COL5A2: variants seen among roughly 807,000 people sequenced by gnomAD.
The protein encoded by COL5A2 is collagen alpha-2(V) chain.
A neutral mutation model predicts 208.2 loss-of-function variants in COL5A2; 23 were observed. The ratio of observed to expected loss-of-function variants is 0.11; its 90% CI spans 0.08 to 0.16. COL5A2 has a LOEUF of 0.16. Among genes scored for constraint, COL5A2 ranks in the 10% least tolerant of loss-of-function variants. The pLI, the probability that COL5A2 is intolerant of heterozygous loss-of-function variation, is 1.00. For synonymous variants in COL5A2, 625 were observed against 628.5 expected, an observed-to-expected ratio of 0.99 and a Z score of 0.08; for missense variants, 1,590 against 1,956.4, an observed-to-expected ratio of 0.81 and a Z score of 3.53.
chr2:189,100,081 G>A, intron 4 of COL5A2, 26 bp downstream of exon 4: 1 of 1,575,246 alleles, frequency 6.3e-7, no homozygotes, highest in Non-Finnish European at 8.7e-7. Context: ...AAGGTACAAG[G>A]AAACAATGAT....
At position 189,101,094 on chromosome 2, in the gene COL5A2, A is replaced by G. The variant is rs548010702; in HGVS notation, c.337-955T>C. Reference sequence around the variant, plus strand: ...CATGCTCAGCATAGCAAATGGAAGCATTCAATGAATTTTTAAAATGTATTA... The same window carrying G: ...CATGCTCAGCATAGCAAATGGAAGCGTTCAATGAATTTTTAAAATGTATTA... On this transcript the variant is annotated intron_variant, in intron 3 of 53. Transcript: ENST00000374866. Among the ~76,000 whole-genome samples, 7 of 152,214 alleles carry G rather than the reference A, an allele frequency of 4.6e-5. No individual in the cohort carries two copies. The East Asian group carries it at 1.3e-3, about 29-fold the overall frequency.
At chr2:189,130,668 A>T (rs534312520) in intron 1 of COL5A2, among the ~76,000 whole-genome samples, 1 of 151,986 alleles carries the variant, frequency 6.6e-6, no homozygotes, top group African/African-American at 2.4e-5. Flanking sequence ...GATTTCAAAC[A>T]GATCTAGCTA....
At chr2:189,303,893 G>T in the COL5A2 span, among the ~76,000 whole-genome samples, 1 of 152,120 alleles carries the variant, frequency 6.6e-6, no homozygotes, top group African/African-American at 2.4e-5. Flanking sequence ...TCTGGGGGCT[G>T]CCCGAGTCAT....
chr2:189,038,730 C>T (rs1285270292), intron 51 of COL5A2, among the ~76,000 whole-genome samples: 1 of 152,138 alleles, frequency 6.6e-6, no homozygotes, highest in Non-Finnish European at 1.5e-5. Flanking sequence ...CACAGTCTCG[C>T]TCTGTCGCCC....
chr2:189,099,554 G>C (rs926815274), intron 4 of COL5A2, among the ~76,000 whole-genome samples: 1 of 152,160 alleles, frequency 6.6e-6, no homozygotes, highest in African/African-American at 2.4e-5. Context: ...GAATCTGGGA[G>C]GTGGAGGTTG....
In COL5A2 at chr2:189,097,314, T is replaced by G. The variant is rs1476823331; in HGVS notation, c.419A>C (p.Gln140Pro). The change falls in exon 6 of 54, where the codon CAG becomes CCG. Residue 140 changes from glutamine (Q) to proline (P), a missense_variant. By Grantham distance (76) the Gln-to-Pro change is moderately conservative. Coordinates refer to ENST00000374866, the MANE Select transcript of COL5A2 (RefSeq NM_000393.5). ...TGGCCCTCGCTCTCCTCTTGGTCCC[T>G]GTGATCCTGGAGGTCCCTAAAACAG... ...RPGPAGPPGS[Q>P]GPRGERGPKG... The G allele has an allele frequency of 1.2e-6, 2 of 1,614,132 alleles. No individual in the cohort carries two copies. Among genetic ancestry groups the G allele is most frequent in the Non-Finnish European group, 1.7e-6 (2 of 1,180,008 alleles).
chr2:189,259,850 GA>G, the COL5A2 span, among the ~76,000 whole-genome samples: 1 of 152,172 alleles, frequency 6.6e-6, no homozygotes, highest in Non-Finnish European at 1.5e-5. Context: ...CTAAGTTTAA[GA>G]AGCCAGAAAG....
At position 189,169,728 on chromosome 2, in the gene COL5A2, T is replaced by G. The variant is rs182937650; in HGVS notation, c.97+9780A>C. Among the ~76,000 whole-genome samples, 967 of 152,350 alleles carry G rather than the reference T, an allele frequency of 6.3e-3. 15 individuals carry two copies. The highest frequency in any genetic ancestry group is 0.021 in the African/African-American group (856 of 41,584). The stretch of plus-strand genomic sequence containing the variant: ...TATTATTATTAAATAATAATTTTTT[T>G]GAGACGGATTTTTGCTCTTGTTGCC... On this transcript the variant is annotated intron_variant, in intron 1 of 53. Transcript: ENST00000374866.
the COL5A2 span, among the ~76,000 whole-genome samples, chr2:189,349,177 G>T: frequency 6.6e-6 from 1 of 152,056 alleles, no homozygotes; most frequent in Non-Finnish European, 1.5e-5. Flanking sequence ...TAATACATCT[G>T]TATACCTACC....
chr2:189,184,448 T>A (rs893069703), upstream of COL5A2, among the ~76,000 whole-genome samples: 7 of 152,168 alleles, frequency 4.6e-5, no homozygotes, highest in African/African-American at 1.7e-4. Context: ...CTGACATGGA[T>A]CTCGTTGAGA....
chr2:189,369,929 G>T, the COL5A2 span, among the ~76,000 whole-genome samples: 34 of 152,184 alleles, frequency 2.2e-4, no homozygotes, highest in African/African-American at 8.0e-4. Context: ...CATGTGTCAA[G>T]ACACTGTATC....
In COL5A2 at chr2:189,120,296, A is replaced by T. The variant is rs1687474651; in HGVS notation, c.98-9847T>A. Among the ~76,000 whole-genome samples the T allele has an allele frequency of 2.0e-5, 3 of 152,112 alleles. No individual in the cohort carries two copies. The South Asian group carries it at 6.2e-4, about 31-fold the overall frequency. On this transcript the variant is annotated intron_variant, in intron 1 of 53. Coordinates refer to ENST00000374866, the MANE Select transcript of COL5A2 (RefSeq NM_000393.5). The stretch of plus-strand genomic sequence containing the variant: ...AGTGCATTCTGGAAAAATTACATAC[A>T]CACTGAAACTTCATAAACTCATTCT...
the COL5A2 span, among the ~76,000 whole-genome samples, chr2:189,402,479 A>G: frequency 1.3e-5 from 2 of 152,212 alleles, no homozygotes; most frequent in Non-Finnish European, 1.5e-5. Flanking sequence ...TCAGCCCCCA[A>G]AGGGGCCAAG....
At chr2:189,171,329 A>G (rs1277561969) in intron 1 of COL5A2, among the ~76,000 whole-genome samples, 1 of 152,182 alleles carries the variant, frequency 6.6e-6, no homozygotes, top group East Asian at 1.9e-4. Flanking sequence ...AAAATTAGAT[A>G]GTTTTATATC....
chr2:189,307,892 C>A, the COL5A2 span, among the ~76,000 whole-genome samples: 3 of 152,172 alleles, frequency 2.0e-5, no homozygotes, highest in Non-Finnish European at 4.4e-5. Context: ...TGTACATAAA[C>A]AAGCATTGTA....
the COL5A2 span, among the ~76,000 whole-genome samples, chr2:189,316,784 CAAA>C: frequency 3.7e-4 from 50 of 136,818 alleles, no homozygotes; most frequent in Admixed American, 5.1e-4. Flanking sequence ...CACTTAAAAG[CAAA>C]AAAAAAAAAA....
chr2:189,303,896 C>T, the COL5A2 span, among the ~76,000 whole-genome samples: 5 of 152,154 alleles, frequency 3.3e-5, no homozygotes, highest in African/African-American at 7.2e-5. Flanking sequence ...GGGGGCTGCC[C>T]GAGTCATGAA....
chr2:189,077,057 C>A (rs1366128949), intron 16 of COL5A2, among the ~76,000 whole-genome samples: 2 of 152,008 alleles, frequency 1.3e-5, no homozygotes, highest in African/African-American at 4.8e-5. Flanking sequence ...CAGAGTAAGA[C>A]CCTGTCCTCA....
the COL5A2 span, among the ~76,000 whole-genome samples, chr2:189,265,433 C>T: frequency 6.6e-6 from 1 of 152,192 alleles, no homozygotes; most frequent in Admixed American, 6.5e-5. Flanking sequence ...CACAGCCTTC[C>T]AATCTCCATC....
Sources: allele counts gnomAD v4.1 joint callset (sites outside exome capture counted in the v4.1 genomes callset), GRCh38; gene constraint gnomAD v4.1.1; transcripts MANE v1.5; gene names NCBI Gene and HGNC (gene_info 2026-07-23, HGNC 2026-07-21).